Variants in SRPX observed in about 807,000 individuals in gnomAD.
SRPX encodes the protein sushi repeat containing protein X-linked.
In SRPX, 24 loss-of-function variants were observed where a neutral mutation model predicts 38.1. That is an observed-to-expected ratio of 0.63 (90% CI 0.46 to 0.89). The LOEUF (loss-of-function observed/expected upper bound fraction) is 0.89. Among genes scored for constraint, SRPX ranks in the 40% least tolerant of loss-of-function variants. SRPX has a pLI of 0.00. For missense variants in SRPX, 416 were observed against 377.8 expected (o/e 1.10, Z -0.84); for synonymous variants, 184 against 153.8 (o/e 1.20, Z -1.45).
At chrX:38,219,989 C>A (rs1939485574) in intron 1 of SRPX, among the ~76,000 whole-genome samples, 1 of 113,006 alleles carries the variant, frequency 8.8e-6, no homozygotes, top group African/African-American at 3.2e-5. Flanking sequence ...CCAAGAAACA[C>A]CAGGGCCCCC....
At position 38,220,751 on chromosome X, in the gene SRPX, C is replaced by A; in HGVS notation, c.42G>T (p.Leu14=). The change falls in exon 1 of 10, where the codon CTG becomes CTT. Residue 14 remains leucine, a synonymous_variant. Transcript: ENST00000378533. ...GCAGCAGCAGCAGCAGCAGAGGCGGCAGCAGCAGCAGCAGCGCGGGCCGAT... is the reference window on the plus strand; with the variant it reads ...GCAGCAGCAGCAGCAGCAGAGGCGGAAGCAGCAGCAGCAGCGCGGGCCGAT... The part of the protein sequence containing the change: ...PAHRPALLLL[L]PPLLLLLLLR... The A allele has an allele frequency of 1.0e-6, 1 of 978,675 alleles. No individual in the cohort carries two copies. The highest frequency in any genetic ancestry group is 1.4e-6 in the Non-Finnish European group (1 of 727,032). 80.7% of individuals were successfully genotyped at this position (978,675 alleles called of 1,213,427 possible).
intron 1 of SRPX, among the ~76,000 whole-genome samples, chrX:38,180,687 C>T (rs1264805506): frequency 8.9e-6 from 1 of 112,103 alleles, no homozygotes; most frequent in Non-Finnish European, 1.9e-5. Context: ...AAATCTCAGC[C>T]TTTTTTTCTT....
At chrX:38,184,671 G>T (rs1938738251) in intron 1 of SRPX, among the ~76,000 whole-genome samples, 1 of 112,106 alleles carries the variant, frequency 8.9e-6, no homozygotes, top group Non-Finnish European at 1.9e-5. Flanking sequence ...AATTTTAAAA[G>T]CCATGGTCTT....
At chrX:38,155,687 C>T (rs1320461602) in intron 8 of SRPX, among the ~76,000 whole-genome samples, 1 of 112,305 alleles carries the variant, frequency 8.9e-6, no homozygotes, top group East Asian at 2.8e-4. Context: ...AGAGGAAAAG[C>T]AAGTTGTTTG....
At chrX:38,199,555 A>C (rs1025428920) in intron 1 of SRPX, among the ~76,000 whole-genome samples, 15 of 111,553 alleles carry the variant, frequency 1.3e-4, no homozygotes, top group Non-Finnish European at 2.8e-4. Context: ...GCTACTAGCT[A>C]GCCATGTGAC....
intron 1 of SRPX, among the ~76,000 whole-genome samples, chrX:38,192,855 A>G (rs1938933397): frequency 8.9e-6 from 1 of 112,632 alleles, no homozygotes; most frequent in African/African-American, 3.2e-5. Context: ...ACCATGGGCC[A>G]GTGAAAAAGG....
intron 8 of SRPX, among the ~76,000 whole-genome samples, chrX:38,156,539 C>T (rs1358115887): frequency 2.7e-5 from 3 of 111,610 alleles, no homozygotes. Flanking sequence ...AAAGAAATTC[C>T]CTGGGGAAAA....
chrX:38,165,446 A>G (rs1938348691), intron 4 of SRPX, among the ~76,000 whole-genome samples: 1 of 112,070 alleles, frequency 8.9e-6, no homozygotes. Flanking sequence ...AGAATTTGCC[A>G]TGTATTGGAG....
intron 9 of SRPX, among the ~76,000 whole-genome samples, chrX:38,152,255 G>C (rs1050071634): frequency 5.4e-5 from 6 of 112,146 alleles, no homozygotes; most frequent in African/African-American, 1.6e-4. Context: ...GATAACACAG[G>C]CATGCCGGCC....
At chrX:38,178,569 T>C (rs918524229) in intron 1 of SRPX, among the ~76,000 whole-genome samples, 1 of 111,490 alleles carries the variant, frequency 9.0e-6, no homozygotes, top group Non-Finnish European at 1.9e-5. Flanking sequence ...CCTCAAACTG[T>C]TTTGGAATCA....
chrX:38,190,139 G>T (rs1390867940), intron 1 of SRPX, among the ~76,000 whole-genome samples: 2 of 112,511 alleles, frequency 1.8e-5, no homozygotes, highest in South Asian at 3.7e-4. Context: ...AGAAGACAGA[G>T]TCTAAGAAAA....
chrX:38,196,505 A>G (rs1456923796), intron 1 of SRPX, among the ~76,000 whole-genome samples: 1 of 112,563 alleles, frequency 8.9e-6, no homozygotes, highest in Non-Finnish European at 1.9e-5. Flanking sequence ...ACAACCCATT[A>G]ACAGGTAACC....
At chrX:38,203,338 G>T in intron 1 of SRPX, among the ~76,000 whole-genome samples, 2 of 112,224 alleles carry the variant, frequency 1.8e-5, no homozygotes, top group East Asian at 5.6e-4. Context: ...TATACTTTAC[G>T]ATGAAAGACT....
At chrX:38,186,645 G>T (rs1237398275) in intron 1 of SRPX, among the ~76,000 whole-genome samples, 2 of 111,378 alleles carry the variant, frequency 1.8e-5, no homozygotes, top group Non-Finnish European at 3.8e-5. Flanking sequence ...TACTCAGGCT[G>T]GTGTGCCCAT....
chrX:38,149,612 C>A lies in SRPX; in HGVS notation c.*99G>T. 1.2e-6 allele frequency: 1 copy of A among 822,824 alleles called. No individual in the cohort carries two copies. The highest frequency in any genetic ancestry group is 1.6e-6 in the Non-Finnish European group (1 of 608,054). 67.8% of individuals were successfully genotyped at this position (822,824 alleles called of 1,213,427 possible). ...ATAATAAAATAGACTTTTAAAATTA[C>A]AAATAAAATCTGTACATCAAGGATA... On this transcript the variant is annotated 3_prime_UTR_variant, in exon 10 of 10. Coordinates refer to ENST00000378533, the MANE Select transcript of SRPX (RefSeq NM_006307.5).
At chrX:38,209,450 A>C (rs1939276842) in intron 1 of SRPX, among the ~76,000 whole-genome samples, 1 of 111,938 alleles carries the variant, frequency 8.9e-6, no homozygotes, top group Non-Finnish European at 1.9e-5. Flanking sequence ...CTGTGACACC[A>C]CTAGCCATGG....
chrX:38,155,788 G>A (rs977025466), intron 8 of SRPX, among the ~76,000 whole-genome samples: 5 of 111,825 alleles, frequency 4.5e-5, no homozygotes, highest in Admixed American at 9.5e-5. Context: ...ACAAAAGACA[G>A]AGGTATAAGC....
intron 1 of SRPX, among the ~76,000 whole-genome samples, chrX:38,185,624 A>C (rs1373847744): frequency 9.0e-6 from 1 of 111,566 alleles, no homozygotes; most frequent in African/African-American, 3.3e-5. Flanking sequence ...GTTCCTCTCA[A>C]TCAAACAGAG....
intron 1 of SRPX, among the ~76,000 whole-genome samples, chrX:38,202,012 C>T (rs1415944928): frequency 9.0e-6 from 1 of 111,337 alleles, no homozygotes; most frequent in African/African-American, 3.3e-5. Flanking sequence ...GAAGAAAATT[C>T]CCTGGTTTTC....
Sources: gnomAD v4.1 joint callset for allele counts (sites outside exome capture counted in the v4.1 genomes callset) on GRCh38, gnomAD v4.1.1 for gene constraint, MANE v1.5 for transcripts, NCBI Gene and HGNC (gene_info 2026-07-23, HGNC 2026-07-21) for gene names.